The following MKLN1 variants were observed in gnomAD, a reference collection of about 807,000 sequenced individuals.
MKLN1 encodes the protein muskelin.
Under a neutral mutation model 99.0 loss-of-function variants are expected in MKLN1, and 18 were observed. That is an observed-to-expected ratio of 0.18 (90% CI 0.13 to 0.27). The LOEUF (loss-of-function observed/expected upper bound fraction) is 0.27. Ranked by LOEUF, MKLN1 falls within the 10% of genes least tolerant of loss-of-function variation. The pLI, the probability that MKLN1 is intolerant of heterozygous loss-of-function variation, is 1.00. For missense variants in MKLN1, 621 were observed against 875.9 expected, an observed-to-expected ratio of 0.71 and a Z score of 3.67; for synonymous variants, 288 against 293.2, an observed-to-expected ratio of 0.98 and a Z score of 0.18.
intron 2 of MKLN1, among the ~76,000 whole-genome samples, chr7:131,376,092 GGAAATATATATATATATATATA>G (rs1793637628): frequency 1.3e-5 from 1 of 75,918 alleles, no homozygotes; most frequent in Non-Finnish European, 2.7e-5. Flanking sequence ...TATAATTCAT[GGAAATATATATATATATATATA>G]TATATATATA....
At chr7:131,130,194 G>A (rs1795528633) in intron 1 of MKLN1, among the ~76,000 whole-genome samples, 1 of 152,158 alleles carries the variant, frequency 6.6e-6, no homozygotes, top group Admixed American at 6.5e-5. Flanking sequence ...GGATACAAAA[G>A]GAACTTCCAG....
chr7:131,217,978 A>G (rs1797007811), intron 3 of MKLN1, among the ~76,000 whole-genome samples: 1 of 152,202 alleles, frequency 6.6e-6, no homozygotes, highest in Admixed American at 6.5e-5. Flanking sequence ...TAATTCTCAA[A>G]TCCGCCTCCC....
chr7:131,485,374 G>C (rs1797243674), intron 17 of MKLN1, among the ~76,000 whole-genome samples: 1 of 152,074 alleles, frequency 6.6e-6, no homozygotes. Context: ...AACAACTGTA[G>C]AAGGAGTCAT....
At chr7:131,327,846 C>T (rs1798928603), upstream of MKLN1, 3 of 1,598,656 alleles carry the variant, frequency 1.9e-6, no homozygotes, top group South Asian at 1.1e-5. Context: ...ACGCCCCCTC[C>T]CCTCCTCCCG....
rs138733555 is a variant in MKLN1, at chr7:131,412,326, T to C, written c.781+943T>C. Among the ~76,000 whole-genome samples the C allele has an allele frequency of 4.5e-4, 68 of 152,338 alleles. No homozygotes were observed. In the East Asian group the frequency reaches 0.012, roughly 27 times the overall value. On this transcript the variant is annotated intron_variant, in intron 7 of 17. Transcript: ENST00000352689. The stretch of plus-strand genomic sequence containing the variant: ...GTGTTGTAATGCCATACACATGTTC[T>C]TGAAAACCTTAAGTTATGCAAAATT...
At chr7:131,474,765 T>C (rs1338581107) in intron 16 of MKLN1, among the ~76,000 whole-genome samples, 3 of 152,190 alleles carry the variant, frequency 2.0e-5, no homozygotes, top group Non-Finnish European at 4.4e-5. Flanking sequence ...CCAAGTGTAT[T>C]AGCCTGTTCT....
chr7:131,305,691 TA>T (rs1190966427), intron 3 of MKLN1, among the ~76,000 whole-genome samples: 1 of 152,194 alleles, frequency 6.6e-6, no homozygotes, highest in African/African-American at 2.4e-5. Context: ...CTGGTGGACT[TA>T]TTTGTTATAT....
At chr7:131,421,446 G>A (rs1267052516) in intron 8 of MKLN1, among the ~76,000 whole-genome samples, 2 of 152,188 alleles carry the variant, frequency 1.3e-5, no homozygotes, top group African/African-American at 2.4e-5. Flanking sequence ...ATAGGTAGGT[G>A]TTAAGTTTGT....
chr7:131,412,148 G>A (rs1265521320), intron 7 of MKLN1, among the ~76,000 whole-genome samples: 1 of 151,968 alleles, frequency 6.6e-6, no homozygotes, highest in African/African-American at 2.4e-5. Context: ...ACAAGGCATA[G>A]GTTCCTTAAC....
chr7:131,227,510 TTTCTTTC>T (rs1036316099), intron 3 of MKLN1, among the ~76,000 whole-genome samples: 1 of 146,436 alleles, frequency 6.8e-6, no homozygotes, highest in Non-Finnish European at 1.5e-5. Context: ...TCTTTCTTTC[TTTCTTTC>T]TTTCTTTCTT....
intron 2 of MKLN1, among the ~76,000 whole-genome samples, chr7:131,171,082 G>T (rs1563239528): frequency 1.3e-5 from 2 of 152,186 alleles, no homozygotes; most frequent in African/African-American, 4.8e-5. Flanking sequence ...ACATCATAAA[G>T]AGATGAATCA....
intron 3 of MKLN1, among the ~76,000 whole-genome samples, chr7:131,315,754 T>C (rs1798656103): frequency 6.6e-6 from 1 of 152,178 alleles, no homozygotes. Context: ...TAGGCAGTTT[T>C]CCCCTGATAG....
At chr7:131,414,085 T>A (rs2116341712) in intron 7 of MKLN1, among the ~76,000 whole-genome samples, 2 of 152,294 alleles carry the variant, frequency 1.3e-5, no homozygotes, top group East Asian at 3.9e-4. Flanking sequence ...TAATACATTA[T>A]ACATTATACA....
At chr7:131,301,743 G>C (rs1798379637) in intron 3 of MKLN1, among the ~76,000 whole-genome samples, 2 of 152,072 alleles carry the variant, frequency 1.3e-5, no homozygotes, top group African/African-American at 2.4e-5. Flanking sequence ...AAGTTATCTA[G>C]GATTTGCTAT....
intron 3 of MKLN1, among the ~76,000 whole-genome samples, chr7:131,248,662 A>AT (rs1221794331): frequency 5.9e-5 from 9 of 151,900 alleles, no homozygotes; most frequent in East Asian, 1.9e-4. Flanking sequence ...AGCAAAATCC[A>AT]TTTTTTTTCT....
intron 3 of MKLN1, among the ~76,000 whole-genome samples, chr7:131,231,212 G>A (rs1174259622): frequency 6.7e-6 from 1 of 149,226 alleles, no homozygotes; most frequent in African/African-American, 2.5e-5. Flanking sequence ...GGATTGTAGC[G>A]GTACAGAGGA....
At chr7:131,434,655 G>A in intron 9 of MKLN1, among the ~76,000 whole-genome samples, 1 of 152,190 alleles carries the variant, frequency 6.6e-6, no homozygotes, top group Admixed American at 6.5e-5. Context: ...CTGGGCTCAA[G>A]CAATCCTTCT....
chr7:131,345,635 GC>G (rs1201532125), intron 1 of MKLN1, among the ~76,000 whole-genome samples: 7 of 152,026 alleles, frequency 4.6e-5, no homozygotes, highest in Non-Finnish European at 8.8e-5. Flanking sequence ...GATCACTTGA[GC>G]CCAGGAATTC....
At chr7:131,368,375 G>T (rs993773141) in intron 1 of MKLN1, among the ~76,000 whole-genome samples, 1 of 152,108 alleles carries the variant, frequency 6.6e-6, no homozygotes, top group Non-Finnish European at 1.5e-5. Flanking sequence ...GTGTTAGTAC[G>T]TTCTCACACT....
Sources: gnomAD v4.1 joint callset for allele counts (sites outside exome capture counted in the v4.1 genomes callset) on GRCh38, gnomAD v4.1.1 for gene constraint, MANE v1.5 for transcripts, NCBI Gene and HGNC (gene_info 2026-07-23, HGNC 2026-07-21) for gene names.